Variants in STXBP5L observed in about 807,000 individuals in gnomAD.
The protein encoded by STXBP5L is syntaxin-binding protein 5-like.
In STXBP5L, 65 loss-of-function variants were observed where a neutral mutation model predicts 144.5. That is an observed-to-expected ratio of 0.45 (90% CI 0.37 to 0.55). The LOEUF is 0.55. STXBP5L is among the 20% of genes least tolerant of loss of function. The probability of loss-of-function intolerance (pLI) is 0.00; values close to 1 mark genes in which losing one functional copy is unlikely to be tolerated. For synonymous variants in STXBP5L, 505 were observed against 469.6 expected (o/e 1.08, Z -0.97); for missense variants, 1,298 against 1,405.5 (o/e 0.92, Z 1.22).
At chr3:121,187,591 C>T (rs1302568457) in intron 9 of STXBP5L, among the ~76,000 whole-genome samples, 1 of 118,276 alleles carries the variant, frequency 8.5e-6, no homozygotes, top group African/African-American at 3.2e-5. Context: ...AAAAAAGAAC[C>T]ATGAATGATA....
At chr3:120,957,297 G>A (rs1012020274) in intron 3 of STXBP5L, among the ~76,000 whole-genome samples, 12 of 151,914 alleles carry the variant, frequency 7.9e-5, no homozygotes, top group African/African-American at 2.4e-4. Flanking sequence ...GAAATGATCG[G>A]ATAGTTTTTG....
chr3:121,186,036 G>A (rs559791920), intron 9 of STXBP5L, among the ~76,000 whole-genome samples: 5 of 152,024 alleles, frequency 3.3e-5, no homozygotes, highest in Non-Finnish European at 7.4e-5. Context: ...TGGATTCCTA[G>A]GTATTTTATT....
chr3:121,335,222 A>T (rs2044464417), intron 20 of STXBP5L, among the ~76,000 whole-genome samples: 1 of 152,212 alleles, frequency 6.6e-6, no homozygotes, highest in Non-Finnish European at 1.5e-5. Flanking sequence ...CACAAAAAGA[A>T]TAAAATACCT....
chr3:121,261,317 T>C (rs1391173099), intron 18 of STXBP5L, among the ~76,000 whole-genome samples: 2 of 152,206 alleles, frequency 1.3e-5, no homozygotes, highest in African/African-American at 4.8e-5. Context: ...CTAGTTCATG[T>C]GGCTACTAGA....
intron 3 of STXBP5L, among the ~76,000 whole-genome samples, chr3:120,982,975 C>A (rs73185500): frequency 0.13 from 19,805 of 152,182 alleles, 1,617 homozygotes; most frequent in Non-Finnish European, 0.19. Context: ...AATGCTCAGG[C>A]AGGGTGGCTG....
At chr3:121,197,666 C>A (rs989003000) in intron 9 of STXBP5L, among the ~76,000 whole-genome samples, 14 of 152,050 alleles carry the variant, frequency 9.2e-5, no homozygotes, top group Non-Finnish European at 1.5e-4. Context: ...ACCCCTACCC[C>A]ACAGCATGCC....
At chr3:121,160,152 C>T (rs935320759) in intron 9 of STXBP5L, among the ~76,000 whole-genome samples, 1 of 151,914 alleles carries the variant, frequency 6.6e-6, no homozygotes, top group African/African-American at 2.4e-5. Flanking sequence ...TTCCAGATTC[C>T]CTGTAATTGA....
chr3:121,233,986 T>C (rs767224685), intron 12 of STXBP5L, among the ~76,000 whole-genome samples: 11 of 152,132 alleles, frequency 7.2e-5, no homozygotes, highest in African/African-American at 2.7e-4. Context: ...TTATGAAAAC[T>C]TGTACAATGT....
intron 5 of STXBP5L, among the ~76,000 whole-genome samples, chr3:121,069,231 TTAAA>T (rs2041693842): frequency 6.6e-6 from 1 of 152,244 alleles, no homozygotes; most frequent in African/African-American, 2.4e-5. Flanking sequence ...CTCAAGAATG[TTAAA>T]TAAGTGGAAT....
At chr3:121,246,781 A>G (rs559576726) in intron 14 of STXBP5L, among the ~76,000 whole-genome samples, 23 of 152,328 alleles carry the variant, frequency 1.5e-4, no homozygotes, top group Non-Finnish European at 3.2e-4. Context: ...TACATGTAAG[A>G]AATATTATCC....
chr3:120,974,505 T>C (rs938450575), intron 3 of STXBP5L, among the ~76,000 whole-genome samples: 2 of 151,458 alleles, frequency 1.3e-5, no homozygotes, highest in Admixed American at 6.6e-5. Context: ...CTGTTCACTC[T>C]GATGGTATTT....
At chr3:121,255,180 C>A in intron 16 of STXBP5L, 68 bp downstream of exon 16, 1 of 1,226,378 alleles carries the variant, frequency 8.2e-7, no homozygotes, top group Non-Finnish European at 1.1e-6. Context: ...ATAGATTTGA[C>A]TACTACTTGG....
At chr3:121,233,370 G>A (rs1470728163) in intron 11 of STXBP5L, among the ~76,000 whole-genome samples, 2 of 152,090 alleles carry the variant, frequency 1.3e-5, no homozygotes, top group Non-Finnish European at 2.9e-5. Context: ...ATCACTCCAT[G>A]ATTATTGAGA....
chr3:121,408,239 T>A (rs1175628830), intron 23 of STXBP5L, among the ~76,000 whole-genome samples: 2 of 151,918 alleles, frequency 1.3e-5, no homozygotes, highest in Non-Finnish European at 2.9e-5. Flanking sequence ...AAATAAAATT[T>A]ACGAGACACA....
intron 22 of STXBP5L, among the ~76,000 whole-genome samples, chr3:121,394,605 T>G (rs1161020331): frequency 1.9e-5 from 2 of 107,158 alleles, no homozygotes; most frequent in Admixed American, 8.8e-5. Context: ...GTTGAGGGTT[T>G]TTTTTTTTTT....
chr3:121,021,055 T>G (rs1945515286), intron 3 of STXBP5L, among the ~76,000 whole-genome samples: 1 of 151,874 alleles, frequency 6.6e-6, no homozygotes, highest in Admixed American at 6.6e-5. Context: ...CACATAAACT[T>G]AAGATAAAGG....
At chr3:121,174,785 G>T (rs920275185) in intron 9 of STXBP5L, among the ~76,000 whole-genome samples, 2 of 152,112 alleles carry the variant, frequency 1.3e-5, no homozygotes, top group Admixed American at 6.6e-5. Context: ...TCCAGGGAAA[G>T]CTTCCTTCAG....
At chr3:121,415,046 A>G (rs1361045474) in intron 24 of STXBP5L, among the ~76,000 whole-genome samples, 1 of 152,210 alleles carries the variant, frequency 6.6e-6, no homozygotes, top group Non-Finnish European at 1.5e-5. Flanking sequence ...GAGGAAGAGC[A>G]CAGGTCTCAG....
intron 5 of STXBP5L, among the ~76,000 whole-genome samples, chr3:121,106,126 A>G (rs1396749727): frequency 6.6e-6 from 1 of 152,118 alleles, no homozygotes; most frequent in Non-Finnish European, 1.5e-5. Context: ...TTTGGAGTCT[A>G]TAGAAATTAT....
Sources: gnomAD v4.1 joint callset for allele counts (sites outside exome capture counted in the v4.1 genomes callset) on GRCh38, gnomAD v4.1.1 for gene constraint, MANE v1.5 for transcripts, NCBI Gene and HGNC (gene_info 2026-07-23, HGNC 2026-07-21) for gene names.